ZNF385B: variants seen among roughly 807,000 people sequenced by gnomAD.
ZNF385B encodes zinc finger protein 385B, also known as zinc finger protein 533.
ZNF385B carries 23 observed loss-of-function variants against 39.2 expected under a neutral mutation model. That is an observed-to-expected ratio of 0.59 (90% confidence interval 0.42 to 0.83). The LOEUF (loss-of-function observed/expected upper bound fraction) is 0.83, where lower values mean the gene tolerates loss of function less well. Ranked by LOEUF, ZNF385B falls within the 40% of genes least tolerant of loss-of-function variation. The pLI is 0.00. For missense variants in ZNF385B, 552 were observed against 598.9 expected (o/e 0.92, Z 0.82); for synonymous variants, 205 against 222.6 (o/e 0.92, Z 0.70).
intron 3 of ZNF385B, among the ~76,000 whole-genome samples, chr2:179,725,532 C>A (rs146328140): frequency 6.6e-4 from 100 of 151,408 alleles, no homozygotes; most frequent in African/African-American, 2.3e-3. Flanking sequence ...TAGACATTTT[C>A]TTTGGATTCT....
At chr2:179,672,516 G>A (rs1297995113) in intron 3 of ZNF385B, among the ~76,000 whole-genome samples, 1 of 152,132 alleles carries the variant, frequency 6.6e-6, no homozygotes, top group African/African-American at 2.4e-5. Context: ...GGAGTGAGAG[G>A]TAGAATGCTA....
chr2:179,485,054 G>A (rs940667983), intron 5 of ZNF385B, among the ~76,000 whole-genome samples: 129 of 152,170 alleles, frequency 8.5e-4, no homozygotes, highest in African/African-American at 3.0e-3. Context: ...TTCTCAAGCA[G>A]AGGCCTGATG....
intron 4 of ZNF385B, among the ~76,000 whole-genome samples, chr2:179,519,123 G>A (rs1476996920): frequency 1.3e-5 from 2 of 152,192 alleles, no homozygotes; most frequent in Non-Finnish European, 2.9e-5. Flanking sequence ...TGGGACTACA[G>A]GCATGTGCCA....
intron 6 of ZNF385B, among the ~76,000 whole-genome samples, chr2:179,471,004 A>G (rs1241324583): frequency 6.6e-6 from 1 of 152,178 alleles, no homozygotes; most frequent in Non-Finnish European, 1.5e-5. Flanking sequence ...TTTGGAGTTC[A>G]TGTCATACAT....
intron 3 of ZNF385B, among the ~76,000 whole-genome samples, chr2:179,573,780 G>A (rs1056290704): frequency 6.6e-6 from 1 of 152,110 alleles, no homozygotes; most frequent in African/African-American, 2.4e-5. Flanking sequence ...AAAAAGACAA[G>A]TTGTGTGTCA....
At position 179,521,658 on chromosome 2, in the gene ZNF385B, T is replaced by A. The variant is rs983411793; in HGVS notation, c.442-3020A>T. 2.6e-5 allele frequency among the ~76,000 whole-genome samples: 4 copies of A among 152,262 alleles called. No homozygotes were observed. The South Asian group carries it at 6.2e-4, about 24-fold the overall frequency. On this transcript the variant is annotated intron_variant, in intron 4 of 9. Transcript: ENST00000410066. ...GGCAAGTTTCCATCCATCTGCTCTC[T>A]AAAAAGCACCAGATTAAGAAGGTTC...
chr2:179,852,605 C>T (rs751681734), intron 1 of ZNF385B, among the ~76,000 whole-genome samples: 4 of 152,100 alleles, frequency 2.6e-5, no homozygotes, highest in African/African-American at 9.7e-5. Flanking sequence ...TGGACTAAAA[C>T]CTGTAAGTAA....
chr2:179,629,053 T>A (rs2106183956), intron 3 of ZNF385B, among the ~76,000 whole-genome samples: 1 of 152,352 alleles, frequency 6.6e-6, no homozygotes, highest in East Asian at 1.9e-4. Flanking sequence ...ATTTCCTGTG[T>A]CTTTTTGACA....
At chr2:179,453,492 G>A (rs1352843475) in intron 6 of ZNF385B, among the ~76,000 whole-genome samples, 1 of 152,082 alleles carries the variant, frequency 6.6e-6, no homozygotes, top group African/African-American at 2.4e-5. Context: ...GGGAGCTTCT[G>A]AATCCCAAAC....
intron 3 of ZNF385B, among the ~76,000 whole-genome samples, chr2:179,730,125 A>C (rs549645986): frequency 1.1e-4 from 17 of 152,316 alleles, no homozygotes; most frequent in Non-Finnish European, 7.4e-5. Flanking sequence ...TCTATTTAAC[A>C]CTGCATTGGG....
chr2:179,825,562 C>T (rs1707634231), intron 1 of ZNF385B, among the ~76,000 whole-genome samples: 1 of 152,124 alleles, frequency 6.6e-6, no homozygotes, highest in Non-Finnish European at 1.5e-5. Flanking sequence ...GATTTAAAAG[C>T]ATCTCATTTC....
intron 1 of ZNF385B, among the ~76,000 whole-genome samples, chr2:179,777,549 AATG>A (rs1487422661): frequency 8.5e-5 from 13 of 152,232 alleles, no homozygotes; most frequent in Admixed American, 7.8e-4. Context: ...TAATATTTGT[AATG>A]ATAATAAATA....
At chr2:179,681,463 A>C (rs1650423446) in intron 3 of ZNF385B, among the ~76,000 whole-genome samples, 1 of 152,220 alleles carries the variant, frequency 6.6e-6, no homozygotes, top group African/African-American at 2.4e-5. Context: ...CACAATAAGA[A>C]GTATGAAAGA....
intron 3 of ZNF385B, among the ~76,000 whole-genome samples, chr2:179,768,625 TCCC>T (rs919365423): frequency 6.6e-6 from 1 of 152,148 alleles, no homozygotes; most frequent in African/African-American, 2.4e-5. Flanking sequence ...TTGGAGCTCT[TCCC>T]CCACATTTGG....
At chr2:179,548,091 T>A (rs1424137200) in intron 3 of ZNF385B, among the ~76,000 whole-genome samples, 1 of 149,858 alleles carries the variant, frequency 6.7e-6, no homozygotes, top group Non-Finnish European at 1.5e-5. Flanking sequence ...GTAACTTTAC[T>A]AATTTTGTTT....
intron 3 of ZNF385B, among the ~76,000 whole-genome samples, chr2:179,571,595 G>C (rs1287499742): frequency 6.6e-6 from 1 of 152,176 alleles, no homozygotes; most frequent in Non-Finnish European, 1.5e-5. Context: ...CAACAGAACA[G>C]AGAGTCATGT....
chr2:179,469,728 T>C (rs1215234697), intron 6 of ZNF385B, among the ~76,000 whole-genome samples: 1 of 152,136 alleles, frequency 6.6e-6, no homozygotes, highest in East Asian at 1.9e-4. Context: ...TGACCGAACT[T>C]GGGTTTGAGG....
chr2:179,627,381 A>G (rs1690755277), intron 3 of ZNF385B, among the ~76,000 whole-genome samples: 1 of 152,230 alleles, frequency 6.6e-6, no homozygotes, highest in Admixed American at 6.5e-5. Flanking sequence ...TACTAGGTCC[A>G]TAACATGGAT....
intron 3 of ZNF385B, among the ~76,000 whole-genome samples, chr2:179,734,811 G>T (rs886347773): frequency 6.6e-6 from 1 of 152,210 alleles, no homozygotes; most frequent in Non-Finnish European, 1.5e-5. Flanking sequence ...GACTAAAAAA[G>T]CCTGTTCCTT....
Sources: gnomAD v4.1 joint callset for allele counts (sites outside exome capture counted in the v4.1 genomes callset) on GRCh38, gnomAD v4.1.1 for gene constraint, MANE v1.5 for transcripts, NCBI Gene and HGNC (gene_info 2026-07-23, HGNC 2026-07-21) for gene names.